The following AJAP1 variants were observed in gnomAD, a reference collection of about 807,000 sequenced individuals.
AJAP1 encodes the protein adherens junction-associated protein 1.
A neutral mutation model predicts 35.0 loss-of-function variants in AJAP1; 5 were observed. That is an observed-to-expected ratio of 0.14 (90% CI 0.07 to 0.30). AJAP1 has a LOEUF of 0.30. Among genes scored for constraint, AJAP1 ranks in the 10% least tolerant of loss-of-function variants. AJAP1 has a pLI of 1.00. For missense variants in AJAP1, 586 were observed against 571.0 expected (o/e 1.03, Z -0.27); for synonymous variants, 284 against 249.3 (o/e 1.14, Z -1.31).
chr1:4,733,006 T>C (rs1192829838), intron 2 of AJAP1, among the ~76,000 whole-genome samples: 1 of 152,316 alleles, frequency 6.6e-6, no homozygotes, highest in East Asian at 1.9e-4. Context: ...TGGACTCTTC[T>C]TTGCCCAGCA....
intron 4 of AJAP1, among the ~76,000 whole-genome samples, chr1:4,773,482 G>C (rs1641883716): frequency 6.6e-6 from 1 of 152,204 alleles, no homozygotes. Context: ...ATACCTTCTG[G>C]CCACGCCTCT....
chr1:4,714,744 T>C (rs563447680), intron 2 of AJAP1, among the ~76,000 whole-genome samples: 178 of 152,304 alleles, frequency 1.2e-3, no homozygotes, highest in African/African-American at 4.0e-3. Flanking sequence ...TGGAACGCAA[T>C]GCTGGGCCAC....
At chr1:4,688,788 AAAAAAG>A (rs1639666508) in intron 1 of AJAP1, among the ~76,000 whole-genome samples, 5 of 151,780 alleles carry the variant, frequency 3.3e-5, no homozygotes, top group South Asian at 2.1e-4. Context: ...AAAAAAAAAA[AAAAAAG>A]AAAGGATCGT....
Position 4,774,707 on chromosome 1 carries a change from G to A in AJAP1, c.*59+149G>A, listed in dbSNP as rs2272876. On this transcript the variant is annotated intron_variant, in intron 5 of 5. Coordinates refer to ENST00000378191, the MANE Select transcript of AJAP1 (RefSeq NM_018836.4). ...ATCACTTCTCTGAACATGAGCCGGC[G>A]GGGGGGGCTGGGCTTTTGACCTTGA... The A allele has an allele frequency of 6.5e-4, 355 of 548,302 alleles. 6 individuals are homozygous for A. In the East Asian group the frequency reaches 0.011, roughly 16 times the overall value. 34.0% of individuals were successfully genotyped at this position (548,302 alleles called of 1,614,324 possible).
intron 2 of AJAP1, among the ~76,000 whole-genome samples, chr1:4,721,268 G>T (rs1014100716): frequency 1.3e-5 from 2 of 152,146 alleles, no homozygotes; most frequent in African/African-American, 4.8e-5. Context: ...ATGATTCTAG[G>T]GGTGCTCTTT....
At chr1:4,748,041 C>T (rs746728716) in intron 2 of AJAP1, among the ~76,000 whole-genome samples, 6 of 151,936 alleles carry the variant, frequency 3.9e-5, no homozygotes, top group Non-Finnish European at 5.9e-5. Context: ...ACTGTCCAAC[C>T]CAAACCCCAC....
chr1:4,664,077 G>T (rs1465239286), intron 1 of AJAP1, among the ~76,000 whole-genome samples: 1 of 152,090 alleles, frequency 6.6e-6, no homozygotes, highest in Non-Finnish European at 1.5e-5. Flanking sequence ...CATTGCTATG[G>T]TAGGAGCACT....
At chr1:4,740,883 C>T (rs1641052679) in intron 2 of AJAP1, among the ~76,000 whole-genome samples, 1 of 151,314 alleles carries the variant, frequency 6.6e-6, no homozygotes, top group African/African-American at 2.4e-5. Context: ...GAGAAAGGAT[C>T]TGCCAGAATA....
At chr1:4,691,755 A>T (rs1639744386) in intron 1 of AJAP1, among the ~76,000 whole-genome samples, 1 of 152,164 alleles carries the variant, frequency 6.6e-6, no homozygotes, top group African/African-American at 2.4e-5. Context: ...AGAGAAAGGC[A>T]CAAGGCAAGG....
At chr1:4,770,484 G>T (rs1641810518) in intron 3 of AJAP1, among the ~76,000 whole-genome samples, 2 of 152,132 alleles carry the variant, frequency 1.3e-5, no homozygotes, top group South Asian at 4.1e-4. Flanking sequence ...CTACTTTGAG[G>T]CCAGCCTTGC....
intron 2 of AJAP1, among the ~76,000 whole-genome samples, chr1:4,731,035 A>G (rs1640784979): frequency 6.6e-6 from 1 of 152,030 alleles, no homozygotes; most frequent in Non-Finnish European, 1.5e-5. Flanking sequence ...TTTTGTTTTG[A>G]TTTTTTAATT....
intron 2 of AJAP1, among the ~76,000 whole-genome samples, chr1:4,749,820 G>A (rs1243302850): frequency 1.3e-5 from 2 of 152,174 alleles, no homozygotes; most frequent in African/African-American, 4.8e-5. Flanking sequence ...GTTCTTGTGT[G>A]TGTGCACTCG....
At chr1:4,743,917 C>T (rs1057053842) in intron 2 of AJAP1, among the ~76,000 whole-genome samples, 1 of 132,970 alleles carries the variant, frequency 7.5e-6, no homozygotes, top group African/African-American at 2.9e-5. Context: ...CACCCTGGAC[C>T]ATCACTGAGA....
At chr1:4,781,004 G>C (rs1266844130) in intron 5 of AJAP1, among the ~76,000 whole-genome samples, 1 of 152,138 alleles carries the variant, frequency 6.6e-6, no homozygotes, top group Non-Finnish European at 1.5e-5. Context: ...TCTTGTCCAG[G>C]TGCAGAGGGG....
At chr1:4,709,250 C>T (rs190796771) in intron 1 of AJAP1, among the ~76,000 whole-genome samples, 3 of 25,818 alleles carry the variant, frequency 1.2e-4, no homozygotes, top group Admixed American at 4.8e-4. Context: ...TGGTGGGGGC[C>T]GGTGGGGCCT....
intron 1 of AJAP1, among the ~76,000 whole-genome samples, chr1:4,699,364 T>C (rs1416837769): frequency 1.3e-5 from 2 of 152,182 alleles, no homozygotes; most frequent in Non-Finnish European, 2.9e-5. Flanking sequence ...CTCCCATCCT[T>C]GGTTGGCTTC....
At chr1:4,671,964 TCTC>T (rs1280958559) in intron 1 of AJAP1, among the ~76,000 whole-genome samples, 1 of 152,110 alleles carries the variant, frequency 6.6e-6, no homozygotes, top group African/African-American at 2.4e-5. Flanking sequence ...GGCACACTGT[TCTC>T]CTTATCTCAC....
chr1:4,690,113 G>A (rs1639705500), intron 1 of AJAP1, among the ~76,000 whole-genome samples: 2 of 152,180 alleles, frequency 1.3e-5, no homozygotes, highest in Admixed American at 6.5e-5. Context: ...GCCCTGGAGG[G>A]GTAGTGTGGA....
intron 1 of AJAP1, among the ~76,000 whole-genome samples, chr1:4,686,444 C>T (rs537131647): frequency 6.6e-6 from 1 of 152,242 alleles, no homozygotes; most frequent in African/African-American, 2.4e-5. Flanking sequence ...TGGGTAAGTC[C>T]ATTAATTTCT....
Sources: allele counts gnomAD v4.1 joint callset (sites outside exome capture counted in the v4.1 genomes callset), GRCh38; gene constraint gnomAD v4.1.1; transcripts MANE v1.5; gene names NCBI Gene and HGNC (gene_info 2026-07-23, HGNC 2026-07-21).